CHCHD3: variants seen among roughly 807,000 people sequenced by gnomAD.
CHCHD3 encodes coiled-coil-helix-coiled-coil-helix domain containing 3.
A neutral mutation model predicts 38.2 loss-of-function variants in CHCHD3; 20 were observed. The observed-to-expected ratio is 0.52, with a 90% CI of 0.37 to 0.76. The LOEUF is 0.76. CHCHD3 is among the 30% of genes least tolerant of loss of function. The probability of loss-of-function intolerance (pLI) is 0.00; values close to 1 mark genes in which losing one functional copy is unlikely to be tolerated. For missense variants in CHCHD3, 245 were observed against 279.2 expected (o/e 0.88, Z 0.87); for synonymous variants, 82 against 100.0 (o/e 0.82, Z 1.07).
chr7:132,826,190 G>A, intron 6 of CHCHD3, among the ~76,000 whole-genome samples: 1 of 152,178 alleles, frequency 6.6e-6, no homozygotes, highest in Non-Finnish European at 1.5e-5. Flanking sequence ...ATGCTCAAGA[G>A]AACAAGAGGA....
In CHCHD3 at chr7:133,063,859, G is replaced by C. The variant is rs539914039; in HGVS notation, c.169+6283C>G. On this transcript the variant is annotated intron_variant, in intron 2 of 7. Transcript: ENST00000262570. ...CCTACCCACCCATGAGACCCTACAA[G>C]AAACCTTTATCTGAATTAATCTGGT... Among the ~76,000 whole-genome samples, 3 of 152,206 alleles carry C rather than the reference G, an allele frequency of 2.0e-5. 1 individual carries two copies. The South Asian group carries it at 6.2e-4, about 32-fold the overall frequency.
At chr7:132,847,570 G>A (rs756772252) in intron 5 of CHCHD3, among the ~76,000 whole-genome samples, 2 of 152,320 alleles carry the variant, frequency 1.3e-5, no homozygotes, top group East Asian at 1.9e-4. Context: ...TGGGCTGGCC[G>A]TGGCCCAGGA....
intron 4 of CHCHD3, among the ~76,000 whole-genome samples, chr7:132,961,597 T>C (rs10263224): frequency 6.6e-6 from 1 of 152,146 alleles, no homozygotes; most frequent in African/African-American, 2.4e-5. Context: ...GTGCGTGTGC[T>C]CGCACACAAT....
intron 3 of CHCHD3, among the ~76,000 whole-genome samples, chr7:133,009,581 T>C (rs1812806052): frequency 6.7e-6 from 1 of 150,342 alleles, no homozygotes; most frequent in Non-Finnish European, 1.5e-5. Context: ...AAGAATGCAA[T>C]GTTTCAAGAT....
At chr7:132,821,786 C>T (rs1015334046) in intron 6 of CHCHD3, among the ~76,000 whole-genome samples, 7 of 123,214 alleles carry the variant, frequency 5.7e-5, no homozygotes, top group East Asian at 2.4e-4. Flanking sequence ...GACGGAGTCT[C>T]GCTCTGTCGT....
chr7:132,866,268 G>C (rs1398670832), intron 5 of CHCHD3, among the ~76,000 whole-genome samples: 1 of 152,134 alleles, frequency 6.6e-6, no homozygotes, highest in South Asian at 2.1e-4. Context: ...GAGAGTATGT[G>C]AGCTTAGACT....
intron 4 of CHCHD3, among the ~76,000 whole-genome samples, chr7:132,916,454 T>C (rs1314547862): frequency 1.3e-5 from 2 of 151,944 alleles, no homozygotes; most frequent in South Asian, 2.1e-4. Context: ...AGGTCAACCA[T>C]AGTCCGAAAA....
At chr7:132,984,664 T>A (rs1812036518) in intron 3 of CHCHD3, among the ~76,000 whole-genome samples, 2 of 148,870 alleles carry the variant, frequency 1.3e-5, no homozygotes, top group South Asian at 4.3e-4. Context: ...GGGGAGTGCC[T>A]CTGCCCTGCC....
At chr7:132,946,484 C>T (rs1205840005) in intron 4 of CHCHD3, among the ~76,000 whole-genome samples, 1 of 151,938 alleles carries the variant, frequency 6.6e-6, no homozygotes, top group East Asian at 1.9e-4. Flanking sequence ...AATTTCATGT[C>T]ATTTGGAGCT....
chr7:132,970,016 G>A (rs1188644429), intron 4 of CHCHD3, among the ~76,000 whole-genome samples: 2 of 152,168 alleles, frequency 1.3e-5, no homozygotes, highest in African/African-American at 2.4e-5. Context: ...TGACAAAGCA[G>A]GCTTTTTGTG....
At chr7:132,879,588 T>C (rs1263617373) in intron 5 of CHCHD3, among the ~76,000 whole-genome samples, 1 of 151,772 alleles carries the variant, frequency 6.6e-6, no homozygotes, top group African/African-American at 2.4e-5. Flanking sequence ...TATGACACGA[T>C]AACCACGGTC....
intron 4 of CHCHD3, among the ~76,000 whole-genome samples, chr7:132,926,415 T>G (rs1283985963): frequency 6.6e-6 from 1 of 152,136 alleles, no homozygotes; most frequent in Non-Finnish European, 1.5e-5. Flanking sequence ...AGTACAGCAT[T>G]AGAATATAGA....
At chr7:133,024,357 G>A (rs1291595995) in intron 3 of CHCHD3, among the ~76,000 whole-genome samples, 189 bp downstream of exon 3, 1 of 152,164 alleles carries the variant, frequency 6.6e-6, no homozygotes, top group Non-Finnish European at 1.5e-5. Context: ...AGTCAGCTTT[G>A]GGAAGCAGGT....
chr7:132,819,823 T>G (rs1275316581), intron 6 of CHCHD3, among the ~76,000 whole-genome samples: 1 of 152,176 alleles, frequency 6.6e-6, no homozygotes, highest in Non-Finnish European at 1.5e-5. Context: ...GAAGGTGAGG[T>G]GTGCTGTGGC....
chr7:133,008,439 A>G (rs919806583), intron 3 of CHCHD3, among the ~76,000 whole-genome samples: 1 of 150,822 alleles, frequency 6.6e-6, no homozygotes, highest in African/African-American at 2.4e-5. Flanking sequence ...AAAAAAAAAG[A>G]AAAAAAAAGC....
At chr7:133,004,078 G>C (rs1441535503) in intron 3 of CHCHD3, among the ~76,000 whole-genome samples, 1 of 151,808 alleles carries the variant, frequency 6.6e-6, no homozygotes, top group East Asian at 1.9e-4. Context: ...AGCCTCCCAA[G>C]TAGCTGGGAT....
intron 3 of CHCHD3, among the ~76,000 whole-genome samples, chr7:132,988,569 T>C (rs1336458596): frequency 6.6e-6 from 1 of 152,154 alleles, no homozygotes; most frequent in African/African-American, 2.4e-5. Flanking sequence ...ATAAAATGGG[T>C]TCCTCATCCA....
At chr7:133,054,181 A>G (rs1197640874) in intron 2 of CHCHD3, among the ~76,000 whole-genome samples, 1 of 152,240 alleles carries the variant, frequency 6.6e-6, no homozygotes, top group Non-Finnish European at 1.5e-5. Flanking sequence ...TGCTATGCCT[A>G]TTTATTAAGA....
chr7:132,954,343 C>T lies in CHCHD3; in HGVS notation c.369+20826G>A, dbSNP rs150196753. On this transcript the variant is annotated intron_variant, in intron 4 of 7. Transcript: ENST00000262570. ...ATCGAGGCATGGCAACATTTTGTCACCTATGTCTGATTACATGGCTCTGTT... is the reference window on the plus strand; with the variant it reads ...ATCGAGGCATGGCAACATTTTGTCATCTATGTCTGATTACATGGCTCTGTT... 1.9e-4 allele frequency among the ~76,000 whole-genome samples: 29 copies of T among 152,304 alleles called. No homozygotes were observed. In the East Asian group the frequency reaches 5.4e-3, roughly 28 times the overall value.
Sources: allele counts gnomAD v4.1 joint callset (sites outside exome capture counted in the v4.1 genomes callset), GRCh38; gene constraint gnomAD v4.1.1; transcripts MANE v1.5; gene names NCBI Gene and HGNC (gene_info 2026-07-23, HGNC 2026-07-21).